PLCH1: variants seen among roughly 807,000 people sequenced by gnomAD.
PLCH1 encodes 1-phosphatidylinositol 4,5-bisphosphate phosphodiesterase eta-1.
A neutral mutation model predicts 126.7 loss-of-function variants in PLCH1; 60 were observed. That is an observed-to-expected ratio of 0.47 (90% CI 0.38 to 0.59). The LOEUF (loss-of-function observed/expected upper bound fraction) is 0.59. Ranked by LOEUF, PLCH1 falls within the 20% of genes least tolerant of loss-of-function variation. The probability of loss-of-function intolerance (pLI) is 0.00; values close to 1 mark genes in which losing one functional copy is unlikely to be tolerated. For synonymous variants in PLCH1, 719 were observed against 734.9 expected (o/e 0.98, Z 0.35); for missense variants, 1,723 against 2,040.0 (o/e 0.84, Z 2.99).
intron 5 of PLCH1, among the ~76,000 whole-genome samples, chr3:155,584,697 G>T (rs1731135761): frequency 6.6e-6 from 1 of 152,090 alleles, no homozygotes; most frequent in South Asian, 2.1e-4. Flanking sequence ...ACTGTTATAT[G>T]GTATTAAACA....
intron 21 of PLCH1, among the ~76,000 whole-genome samples, chr3:155,458,475 AAAG>A (rs1192712163): frequency 2.8e-5 from 3 of 108,504 alleles, no homozygotes; most frequent in African/African-American, 2.4e-4. Context: ...AGAAAGAAAG[AAAG>A]AAAGAAAGAA....
intron 1 of PLCH1, among the ~76,000 whole-genome samples, chr3:155,739,971 C>T (rs75471467): frequency 6.6e-6 from 1 of 152,184 alleles, no homozygotes; most frequent in Non-Finnish European, 1.5e-5. Flanking sequence ...AACTATCCCC[C>T]CTTATGGTAA....
chr3:155,730,793 C>T (rs1748712686), intron 1 of PLCH1, among the ~76,000 whole-genome samples: 1 of 152,208 alleles, frequency 6.6e-6, no homozygotes, highest in Admixed American at 6.5e-5. Context: ...GTAGGAAGGA[C>T]AGTTTTACAT....
At chr3:155,490,722 T>C in intron 19 of PLCH1, 62 bp downstream of exon 19, 1 of 927,474 alleles carries the variant, frequency 1.1e-6, no homozygotes, top group Non-Finnish European at 1.8e-6. Context: ...GACACTTTTT[T>C]TAGTGTAAAT....
intron 10 of PLCH1, among the ~76,000 whole-genome samples, chr3:155,535,253 G>A (rs79607959): frequency 3.0e-4 from 46 of 152,298 alleles, no homozygotes; most frequent in East Asian, 2.9e-3. Flanking sequence ...ACAACCAAGC[G>A]TAAACATTTA....
intron 1 of PLCH1, among the ~76,000 whole-genome samples, chr3:155,725,773 A>G (rs1748275677): frequency 6.6e-6 from 1 of 152,196 alleles, no homozygotes; most frequent in African/African-American, 2.4e-5. Context: ...ATATAGCTGA[A>G]TTCTTCATCC....
intron 12 of PLCH1, among the ~76,000 whole-genome samples, chr3:155,505,728 G>A (rs550740439): frequency 1.3e-5 from 2 of 152,220 alleles, no homozygotes; most frequent in South Asian, 4.2e-4. Flanking sequence ...CATGTTTATT[G>A]CTTTTGGAGA....
intron 2 of PLCH1, among the ~76,000 whole-genome samples, chr3:155,659,724 C>T (rs1741907295): frequency 6.6e-6 from 1 of 152,026 alleles, no homozygotes; most frequent in Non-Finnish European, 1.5e-5. Context: ...GTCTTGAACT[C>T]CTGACCTCAG....
At chr3:155,680,247 G>C (rs1744403875) in intron 2 of PLCH1, among the ~76,000 whole-genome samples, 1 of 152,020 alleles carries the variant, frequency 6.6e-6, no homozygotes, top group African/African-American at 2.4e-5. Context: ...GCCGAGTGTG[G>C]TGGCGTGAAC....
At chr3:155,597,642 T>C (rs1733148324) in intron 2 of PLCH1, among the ~76,000 whole-genome samples, 1 of 152,306 alleles carries the variant, frequency 6.6e-6, no homozygotes, top group East Asian at 1.9e-4. Context: ...CTAAATATTT[T>C]ATCTTAACTA....
At chr3:155,728,250 T>C (rs910815675) in intron 1 of PLCH1, among the ~76,000 whole-genome samples, 3 of 152,130 alleles carry the variant, frequency 2.0e-5, no homozygotes, top group South Asian at 4.1e-4. Context: ...TAATTCATAT[T>C]CAGAGCCACA....
rs1716743796 is a variant in PLCH1, at chr3:155,494,593, T to C, written c.1895-76A>G. 7 of 1,175,018 alleles carry C rather than the reference T, an allele frequency of 6.0e-6. No individual in the cohort carries two copies. The South Asian group carries it at 8.1e-5, about 14-fold the overall frequency. The allele number at this position is 1,175,018 out of a possible 1,614,324, so 72.8% of individuals were successfully genotyped here. A position where few individuals can be genotyped will look rare whatever the true frequency, so the allele number is the denominator to read the frequency against. ...ACACCACGCACAGAAGACTTTATAATAATGTCAGATTATACCAATAGCAAA... is the reference window on the plus strand; with the variant it reads ...ACACCACGCACAGAAGACTTTATAACAATGTCAGATTATACCAATAGCAAA... On this transcript the variant is annotated intron_variant, in intron 15 of 22. Coordinates refer to ENST00000460012, the MANE Select transcript of PLCH1 (RefSeq NM_014996.4).
At chr3:155,504,649 T>A (rs748628842) in intron 12 of PLCH1, 23 bp from the exon 13 acceptor site, 5 of 1,458,632 alleles carry the variant, frequency 3.4e-6, no homozygotes, top group Admixed American at 1.7e-5. Flanking sequence ...AGGCATAATA[T>A]AACTATTTAT....
chr3:155,623,275 C>A (rs1163074466), intron 2 of PLCH1, among the ~76,000 whole-genome samples: 2 of 152,120 alleles, frequency 1.3e-5, no homozygotes, highest in African/African-American at 4.8e-5. Context: ...GGGAAATTTA[C>A]AGCATGAAAT....
At chr3:155,721,225 T>C (rs181282378) in intron 1 of PLCH1, among the ~76,000 whole-genome samples, 35 of 152,326 alleles carry the variant, frequency 2.3e-4, no homozygotes, top group African/African-American at 6.5e-4. Context: ...ATATAAGTTT[T>C]AGGATTGTTT....
intron 2 of PLCH1, among the ~76,000 whole-genome samples, chr3:155,688,764 C>T (rs998876199): frequency 6.6e-6 from 1 of 152,216 alleles, no homozygotes; most frequent in Non-Finnish European, 1.5e-5. Context: ...GCAGAAAGCC[C>T]CCATGGACCA....
At chr3:155,593,074 C>A (rs892550514) in intron 4 of PLCH1, among the ~76,000 whole-genome samples, 1 of 151,810 alleles carries the variant, frequency 6.6e-6, no homozygotes, top group Admixed American at 6.6e-5. Flanking sequence ...CCAACCCCTG[C>A]GAAAAAAATT....
intron 2 of PLCH1, among the ~76,000 whole-genome samples, chr3:155,601,510 A>G (rs1431945697): frequency 6.6e-6 from 1 of 152,022 alleles, no homozygotes; most frequent in African/African-American, 2.4e-5. Flanking sequence ...ATACATATAT[A>G]TGATTAGTAT....
At chr3:155,490,347 G>A (rs908450257) in intron 19 of PLCH1, among the ~76,000 whole-genome samples, 9 of 151,982 alleles carry the variant, frequency 5.9e-5, no homozygotes, top group Admixed American at 4.6e-4. Context: ...AAGTAAACTC[G>A]CCAGACTATA....
Sources: gnomAD v4.1 joint callset for allele counts (sites outside exome capture counted in the v4.1 genomes callset) on GRCh38, gnomAD v4.1.1 for gene constraint, MANE v1.5 for transcripts, NCBI Gene and HGNC (gene_info 2026-07-23, HGNC 2026-07-21) for gene names.